Variants in MTRES1 observed in about 807,000 individuals in gnomAD.
The protein encoded by MTRES1 is mitochondrial transcription rescue factor 1, also known as uncharacterized protein C6orf203.
A neutral mutation model predicts 17.4 loss-of-function variants in MTRES1; 11 were observed. The ratio of observed to expected loss-of-function variants is 0.63; its 90% CI spans 0.40 to 1.05. The LOEUF is 1.05. Ranked by LOEUF, MTRES1 falls within the 50% of genes least tolerant of loss-of-function variation. The pLI is 0.00. For synonymous variants in MTRES1, 94 were observed against 99.6 expected (o/e 0.94, Z 0.34); for missense variants, 268 against 276.2 (o/e 0.97, Z 0.21).
At chr6:107,034,105 G>C (rs1773930696) in intron 1 of MTRES1, among the ~76,000 whole-genome samples, 1 of 152,130 alleles carries the variant, frequency 6.6e-6, no homozygotes. Flanking sequence ...ATTTACAAGT[G>C]CACCTGATTC....
chr6:107,045,919 A>T, intron 3 of MTRES1, among the ~76,000 whole-genome samples: 1 of 152,194 alleles, frequency 6.6e-6, no homozygotes, highest in East Asian at 1.9e-4. Context: ...AGGACATGGG[A>T]AATTGAGGCT....
At chr6:107,034,817 G>T (rs889003569) in intron 1 of MTRES1, among the ~76,000 whole-genome samples, 3 of 152,056 alleles carry the variant, frequency 2.0e-5, no homozygotes, top group Non-Finnish European at 4.4e-5. Flanking sequence ...GAGAAACCCC[G>T]TCTCTACTAA....
intron 1 of MTRES1, among the ~76,000 whole-genome samples, chr6:107,029,512 C>T (rs1221225581): frequency 7.2e-6 from 1 of 138,086 alleles, no homozygotes; most frequent in Non-Finnish European, 1.5e-5. Context: ...TTTTTTGACA[C>T]TCGCTCTGTC....
At chr6:107,037,261 G>A (rs1218270841) in intron 1 of MTRES1, among the ~76,000 whole-genome samples, 1 of 152,008 alleles carries the variant, frequency 6.6e-6, no homozygotes, top group Non-Finnish European at 1.5e-5. Flanking sequence ...GTAGAGATGG[G>A]GTTTCACCAT....
At chr6:107,045,181 T>A (rs142265637) in intron 3 of MTRES1, among the ~76,000 whole-genome samples, 1,004 of 59,182 alleles carry the variant, frequency 0.017, 16 homozygotes, top group African/African-American at 0.037. Flanking sequence ...TGAGACCCTG[T>A]CTCAAAAAAA....
Position 107,051,060 on chromosome 6 carries a change from A to C in MTRES1, c.547A>C (p.Lys183Gln), listed in dbSNP as rs781973254. ...TCTGTTTTCTTTTAATTTTCAGGTG[A>C]AAGTGGGAGATACATTGGATCTTCT... The part of the protein sequence containing the change: ...EKLWKKSRTV[K>Q]VGDTLDLLIG... The change falls in exon 4 of 4, where the codon AAA becomes CAA. Residue 183 changes from lysine (K) to glutamine (Q), a missense_variant. Coordinates refer to ENST00000311381, the MANE Select transcript of MTRES1 (RefSeq NM_016487.5). 2 of 1,605,894 alleles carry C rather than the reference A, an allele frequency of 1.2e-6. No individual in the cohort carries two copies. Among genetic ancestry groups the C allele is most frequent in the Non-Finnish European group, 1.7e-6 (2 of 1,176,784 alleles).
At chr6:107,043,203 G>A (rs1042313208) in intron 2 of MTRES1, among the ~76,000 whole-genome samples, 2 of 150,420 alleles carry the variant, frequency 1.3e-5, no homozygotes, top group Non-Finnish European at 3.0e-5. Context: ...GCGTGGTGGC[G>A]GGCGCCTGTA....
chr6:107,040,261 C>G (rs371551860), intron 2 of MTRES1, 31 bp downstream of exon 2: 7 of 1,540,736 alleles, frequency 4.5e-6, no homozygotes, highest in South Asian at 3.9e-5. Flanking sequence ...ATTATAAACT[C>G]GCTCGTAGTC....
At chr6:107,030,565 G>A (rs150240380) in intron 1 of MTRES1, among the ~76,000 whole-genome samples, 2 of 152,320 alleles carry the variant, frequency 1.3e-5, no homozygotes, top group Non-Finnish European at 2.9e-5. Context: ...AATTCTTGCA[G>A]CATCAAATTA....
chr6:107,031,985 G>A (rs1343085443), intron 1 of MTRES1, among the ~76,000 whole-genome samples: 2 of 152,118 alleles, frequency 1.3e-5, no homozygotes, highest in Admixed American at 1.3e-4. Context: ...AAGTGAAGAA[G>A]AGAGGCGTGA....
intron 3 of MTRES1, among the ~76,000 whole-genome samples, chr6:107,047,827 A>G (rs1030380498): frequency 6.6e-6 from 1 of 152,022 alleles, no homozygotes; most frequent in Non-Finnish European, 1.5e-5. Flanking sequence ...TGGAGCTTGC[A>G]GTGAGCCAAG....
intron 1 of MTRES1, among the ~76,000 whole-genome samples, chr6:107,034,708 T>C (rs1554226766): frequency 1.3e-5 from 2 of 151,972 alleles, no homozygotes; most frequent in Admixed American, 1.3e-4. Context: ...TTGACCTTGG[T>C]CGGGTGCGTT....
chr6:107,049,123 T>G (rs1357286720), intron 3 of MTRES1, among the ~76,000 whole-genome samples: 3 of 152,152 alleles, frequency 2.0e-5, no homozygotes, highest in South Asian at 4.1e-4. Context: ...GGGCTTGTTC[T>G]GGGGAGGTTG....
At chr6:107,045,352 T>C (rs1346267545) in intron 3 of MTRES1, among the ~76,000 whole-genome samples, 1 of 151,836 alleles carries the variant, frequency 6.6e-6, no homozygotes, top group Non-Finnish European at 1.5e-5. Context: ...GGTGTGGTGG[T>C]GGGCGCCTGT....
chr6:107,037,028 C>T (rs1238203916), intron 1 of MTRES1, among the ~76,000 whole-genome samples: 2 of 152,134 alleles, frequency 1.3e-5, no homozygotes, highest in Non-Finnish European at 2.9e-5. Context: ...AGTCCTCCTG[C>T]CTCAGCTTCC....
chr6:107,030,161 G>A (rs1307237917), intron 1 of MTRES1: 1 of 718,428 alleles, frequency 1.4e-6, no homozygotes, highest in East Asian at 2.7e-5. Flanking sequence ...GAATTTGCAA[G>A]AGTCAAATTG....
At chr6:107,048,332 G>C (rs921719276) in intron 3 of MTRES1, among the ~76,000 whole-genome samples, 8 of 151,580 alleles carry the variant, frequency 5.3e-5, no homozygotes, top group Non-Finnish European at 1.0e-4. Context: ...ACGGGGTTTC[G>C]CCATGTTGGC....
At chr6:107,036,849 C>CA (rs67649016) in intron 1 of MTRES1, among the ~76,000 whole-genome samples, 50 of 132,510 alleles carry the variant, frequency 3.8e-4, no homozygotes, top group Admixed American at 8.4e-4. Context: ...GACTCCGTCT[C>CA]AAAAAAAAAA....
intron 2 of MTRES1, among the ~76,000 whole-genome samples, chr6:107,043,356 C>T (rs35291055): frequency 1.3e-3 from 193 of 151,422 alleles, no homozygotes; most frequent in Non-Finnish European, 2.1e-3. Flanking sequence ...AAAGTAATGG[C>T]AAGTGTTTAT....
Sources: gnomAD v4.1 joint callset for allele counts (sites outside exome capture counted in the v4.1 genomes callset) on GRCh38, gnomAD v4.1.1 for gene constraint, MANE v1.5 for transcripts, NCBI Gene and HGNC (gene_info 2026-07-23, HGNC 2026-07-21) for gene names.